CPA3: variants seen among roughly 807,000 people sequenced by gnomAD.
The protein encoded by CPA3 is carboxypeptidase A3.
In CPA3, 52 loss-of-function variants were observed where a neutral mutation model predicts 55.8. The ratio of observed to expected loss-of-function variants is 0.93; its 90% CI spans 0.75 to 1.17. The LOEUF is 1.17. Ranked by LOEUF, CPA3 falls within the 50% of genes most tolerant of loss-of-function variation. The pLI, the probability that CPA3 is intolerant of heterozygous loss-of-function variation, is 0.00. For synonymous variants in CPA3, 179 were observed against 171.2 expected (o/e 1.05, Z -0.36); for missense variants, 547 against 509.1 (o/e 1.07, Z -0.72).
In CPA3 at chr3:148,896,942, C is replaced by G. The variant is rs1372474903; in HGVS notation, c.*235C>G. The G allele has an allele frequency of 2.9e-6, 1 of 339,966 alleles. No homozygotes were observed. Among genetic ancestry groups the G allele is most frequent in the African/African-American group, 2.1e-5 (1 of 48,048 alleles). 21.1% of individuals were successfully genotyped at this position (339,966 alleles called of 1,614,324 possible). On this transcript the variant is annotated 3_prime_UTR_variant, in exon 11 of 11. Transcript: ENST00000296046. ...CTTTGCTCCAAGTGAAGTTTGGACC[C>G]AGCAGAAAGCATTATTTTGAAAGGT...
At chr3:148,889,367 G>C (rs927342898) in intron 10 of CPA3, among the ~76,000 whole-genome samples, 1 of 152,036 alleles carries the variant, frequency 6.6e-6, no homozygotes. Context: ...TCTTCGACTT[G>C]ATGAAGACAG....
At chr3:148,882,408 A>G in intron 7 of CPA3, 97 bp from the exon 8 acceptor site, 3 of 849,198 alleles carry the variant, frequency 3.5e-6, no homozygotes. Flanking sequence ...ATAGATTTCA[A>G]ATAAAGTTGC....
intron 10 of CPA3, among the ~76,000 whole-genome samples, chr3:148,887,915 A>T (rs1714577484): frequency 1.3e-5 from 2 of 152,210 alleles, no homozygotes; most frequent in Admixed American, 1.3e-4. Context: ...AGTGAATGTG[A>T]GTTGAAACCA....
chr3:148,870,556 G>A (rs866982702), intron 3 of CPA3, among the ~76,000 whole-genome samples: 15 of 151,996 alleles, frequency 9.9e-5, no homozygotes, highest in African/African-American at 2.7e-4. Flanking sequence ...TGACTTTTTC[G>A]GTTTTGTTAC....
chr3:148,878,796 T>C (rs1020527945), intron 5 of CPA3, 48 bp downstream of exon 5: 6 of 1,164,220 alleles, frequency 5.2e-6, no homozygotes, highest in Non-Finnish European at 7.5e-6. Flanking sequence ...TTGAAAAACA[T>C]GAATTTAAAA....
chr3:148,872,056 C>A, intron 3 of CPA3, among the ~76,000 whole-genome samples: 1 of 148,608 alleles, frequency 6.7e-6, no homozygotes, highest in South Asian at 2.1e-4. Flanking sequence ...GGTATATCAA[C>A]TACTATTTAG....
intron 10 of CPA3, among the ~76,000 whole-genome samples, chr3:148,895,367 T>C (rs1435181628): frequency 6.6e-6 from 1 of 152,196 alleles, no homozygotes; most frequent in Non-Finnish European, 1.5e-5. Flanking sequence ...TCCTCCATCA[T>C]GAAGGCAGTA....
intron 7 of CPA3, 94 bp downstream of exon 7, chr3:148,881,726 T>A: frequency 1.8e-6 from 1 of 552,202 alleles, no homozygotes. Context: ...AGGTAACTAG[T>A]TAATTCTAAT....
chr3:148,866,153 T>C (rs1168705617), intron 2 of CPA3, among the ~76,000 whole-genome samples: 1 of 152,206 alleles, frequency 6.6e-6, no homozygotes, highest in Non-Finnish European at 1.5e-5. Flanking sequence ...TGTAACTCAT[T>C]TGAAACAGAA....
At chr3:148,880,727 T>G (rs576249753) in intron 6 of CPA3, among the ~76,000 whole-genome samples, 1 of 152,332 alleles carries the variant, frequency 6.6e-6, no homozygotes, top group East Asian at 1.9e-4. Context: ...ATATTTTAAT[T>G]TTCTCTTTCT....
At chr3:148,877,151 C>A (rs1423191085) in intron 3 of CPA3, among the ~76,000 whole-genome samples, 1 of 152,132 alleles carries the variant, frequency 6.6e-6, no homozygotes, top group Admixed American at 6.6e-5. Context: ...ACCATTACAG[C>A]CACTGGACTC....
At chr3:148,869,280 A>G (rs936485117) in intron 3 of CPA3, among the ~76,000 whole-genome samples, 2 of 152,174 alleles carry the variant, frequency 1.3e-5, no homozygotes, top group Admixed American at 1.3e-4. Context: ...TAAGAATAAC[A>G]ATTACCTATA....
chr3:148,869,843 C>T (rs1037839145), intron 3 of CPA3: 3 of 152,158 alleles, frequency 2.0e-5, no homozygotes, highest in African/African-American at 7.2e-5. Flanking sequence ...GCCTGTAATC[C>T]CAGCACTTTG....
chr3:148,870,924 A>G (rs1714047254), intron 3 of CPA3, among the ~76,000 whole-genome samples: 1 of 152,132 alleles, frequency 6.6e-6, no homozygotes, highest in African/African-American at 2.4e-5. Context: ...TTTGAGATGA[A>G]GTCTCGCTCT....
chr3:148,887,095 T>C (rs1157240971), intron 10 of CPA3, among the ~76,000 whole-genome samples: 1 of 152,228 alleles, frequency 6.6e-6, no homozygotes, highest in Non-Finnish European at 1.5e-5. Flanking sequence ...TTGTCTCTTA[T>C]TCTATATAAA....
intron 2 of CPA3, 149 bp downstream of exon 2, chr3:148,865,697 A>G: frequency 2.8e-6 from 2 of 722,076 alleles, no homozygotes; most frequent in South Asian, 2.0e-5. Flanking sequence ...CCAATGGCCA[A>G]TACTTCACCT....
chr3:148,878,409 A>G (rs1559967965), intron 3 of CPA3, 32 bp from the exon 4 acceptor site: 1 of 1,414,564 alleles, frequency 7.1e-7, no homozygotes. Flanking sequence ...CTCATGATAA[A>G]ACATGTATTT....
chr3:148,883,908 C>T, intron 9 of CPA3, 93 bp downstream of exon 9: 1 of 914,906 alleles, frequency 1.1e-6, no homozygotes, highest in Non-Finnish European at 1.7e-6. Flanking sequence ...AAGAATTTCA[C>T]ATTTTAATGT....
At chr3:148,891,359 A>G (rs1424883098) in intron 10 of CPA3, among the ~76,000 whole-genome samples, 5 of 152,064 alleles carry the variant, frequency 3.3e-5, no homozygotes, top group African/African-American at 1.2e-4. Context: ...GCACACCTGT[A>G]GTCCCAGCTA....
Sources: allele counts gnomAD v4.1 joint callset (sites outside exome capture counted in the v4.1 genomes callset), GRCh38; gene constraint gnomAD v4.1.1; transcripts MANE v1.5; gene names NCBI Gene and HGNC (gene_info 2026-07-23, HGNC 2026-07-21).